THSD7B: variants seen among roughly 807,000 people sequenced by gnomAD.
THSD7B encodes the protein thrombospondin type 1 domain containing 7B.
In THSD7B, 138 loss-of-function variants were observed where a neutral mutation model predicts 213.6. The ratio of observed to expected loss-of-function variants is 0.65; its 90% CI spans 0.56 to 0.74. THSD7B has a LOEUF of 0.74. THSD7B is among the 30% of genes least tolerant of loss of function. THSD7B has a pLI of 0.00. For missense variants in THSD7B, 1,931 were observed against 1,991.5 expected, an observed-to-expected ratio of 0.97 and a Z score of 0.58; for synonymous variants, 742 against 687.0, an observed-to-expected ratio of 1.08 and a Z score of -1.25.
chr2:137,318,585 C>T (rs1684184575), intron 12 of THSD7B, among the ~76,000 whole-genome samples: 2 of 151,986 alleles, frequency 1.3e-5, no homozygotes, highest in African/African-American at 2.4e-5. Flanking sequence ...ACAAACTCGG[C>T]AACAATAATA....
chr2:137,029,742 A>G (rs1475531183), intron 2 of THSD7B, among the ~76,000 whole-genome samples: 4 of 152,120 alleles, frequency 2.6e-5, no homozygotes, highest in South Asian at 4.1e-4. Flanking sequence ...GTTAGGGTTC[A>G]TTGTTTATCT....
At chr2:137,066,458 T>C (rs904336848) in intron 3 of THSD7B, among the ~76,000 whole-genome samples, 2 of 152,100 alleles carry the variant, frequency 1.3e-5, no homozygotes, top group African/African-American at 4.8e-5. Flanking sequence ...CCTCCCAAAG[T>C]GCTGAGATTA....
rs143740787 is a variant in THSD7B at position 137,204,876 on chromosome 2, G to C, written c.1724-26168G>C. Among the ~76,000 whole-genome samples, 174 of 152,212 alleles carry C rather than the reference G, an allele frequency of 1.1e-3. 1 individual carries two copies. Among genetic ancestry groups the C allele is most frequent in the African/African-American group, 4.0e-3 (168 of 41,558 alleles). ...AAAGTCGCTGAAACACACTGGCACT[G>C]TTATAACTAAGTAATAGTTAACAAA... On this transcript the variant is annotated intron_variant, in intron 7 of 27. Coordinates refer to ENST00000409968, the MANE Select transcript of THSD7B (RefSeq NM_001316349.2).
At chr2:136,787,794 A>G (rs1681893684) in intron 1 of THSD7B, among the ~76,000 whole-genome samples, 1 of 151,510 alleles carries the variant, frequency 6.6e-6, no homozygotes, top group Admixed American at 6.6e-5. Flanking sequence ...AGATGATATC[A>G]TGAGTGATTT....
chr2:137,044,737 T>C (rs1018653230), intron 2 of THSD7B, among the ~76,000 whole-genome samples: 1 of 152,190 alleles, frequency 6.6e-6, no homozygotes, highest in African/African-American at 2.4e-5. Context: ...TACTCATCTT[T>C]CTTCTTGTGA....
At chr2:137,343,191 C>CT (rs1425292671) in intron 12 of THSD7B, among the ~76,000 whole-genome samples, 1 of 149,240 alleles carries the variant, frequency 6.7e-6, no homozygotes, top group African/African-American at 2.5e-5. Context: ...TTTTGATTGA[C>CT]TTTTTTGCAA....
At chr2:137,186,909 T>C (rs1482228978) in intron 7 of THSD7B, among the ~76,000 whole-genome samples, 3 of 152,150 alleles carry the variant, frequency 2.0e-5, no homozygotes, top group African/African-American at 7.2e-5. Flanking sequence ...GTTCTTTTTA[T>C]AGAGATCTTT....
chr2:137,041,649 A>G (rs909973179), intron 2 of THSD7B, among the ~76,000 whole-genome samples: 1 of 148,152 alleles, frequency 6.7e-6, no homozygotes. Context: ...TATAATATGT[A>G]TTTAATATAA....
chr2:136,991,789 C>T (rs1319570895), intron 2 of THSD7B, among the ~76,000 whole-genome samples: 4 of 152,186 alleles, frequency 2.6e-5, no homozygotes, highest in Non-Finnish European at 4.4e-5. Context: ...TTCTTTTCTT[C>T]AGATTCTCCT....
intron 12 of THSD7B, among the ~76,000 whole-genome samples, chr2:137,401,483 G>A (rs1686359568): frequency 1.3e-5 from 2 of 152,056 alleles, no homozygotes; most frequent in Non-Finnish European, 2.9e-5. Flanking sequence ...ACAAGGAAAT[G>A]TTTCATTTAA....
intron 12 of THSD7B, among the ~76,000 whole-genome samples, chr2:137,351,757 A>G (rs538020699): frequency 6.6e-6 from 1 of 151,998 alleles, no homozygotes; most frequent in South Asian, 2.1e-4. Context: ...TTGGAGATCA[A>G]TTTTGCCAAC....
intron 3 of THSD7B, among the ~76,000 whole-genome samples, chr2:137,080,549 A>G (rs183889235): frequency 1.1e-3 from 170 of 151,858 alleles, no homozygotes; most frequent in African/African-American, 3.1e-3. Context: ...TTGCATTTTT[A>G]TTTTAGAAGT....
At chr2:137,024,872 A>G (rs571440783) in intron 2 of THSD7B, among the ~76,000 whole-genome samples, 44 of 152,248 alleles carry the variant, frequency 2.9e-4, no homozygotes, top group African/African-American at 1.1e-3. Context: ...AAACCCTTTC[A>G]GCTTTAACTC....
chr2:137,538,327 A>G (rs1265247694), intron 15 of THSD7B, among the ~76,000 whole-genome samples: 1 of 151,608 alleles, frequency 6.6e-6, no homozygotes, highest in East Asian at 1.9e-4. Flanking sequence ...TGGGAGGGTA[A>G]CATTCAAATT....
intron 16 of THSD7B, among the ~76,000 whole-genome samples, chr2:137,564,288 C>T (rs544349656): frequency 6.6e-6 from 1 of 152,112 alleles, no homozygotes; most frequent in Non-Finnish European, 1.5e-5. Flanking sequence ...GTGAAACGTA[C>T]TTTATTCATT....
intron 1 of THSD7B, among the ~76,000 whole-genome samples, chr2:136,816,447 T>C (rs1159800392): frequency 6.6e-6 from 1 of 152,246 alleles, no homozygotes; most frequent in Non-Finnish European, 1.5e-5. Flanking sequence ...TTTTATATTT[T>C]TGAAAACTAT....
chr2:136,904,024 C>G (rs2105015398), intron 2 of THSD7B, among the ~76,000 whole-genome samples: 1 of 143,124 alleles, frequency 7.0e-6, no homozygotes, highest in East Asian at 2.0e-4. Context: ...AACCTTAAAG[C>G]CAATGACAAA....
At chr2:137,577,787 CACCTTGTAAAAGTATAATTCTAT>C (rs1433043869) in intron 17 of THSD7B, among the ~76,000 whole-genome samples, 3 of 152,112 alleles carry the variant, frequency 2.0e-5, no homozygotes, top group Admixed American at 6.6e-5. Flanking sequence ...CACTTTTCTA[CACCTTGTAAAAGTATAATTCTAT>C]ACCTTGTAAA....
intron 15 of THSD7B, among the ~76,000 whole-genome samples, chr2:137,497,829 C>T (rs1679606369): frequency 6.6e-6 from 1 of 152,122 alleles, no homozygotes; most frequent in South Asian, 2.1e-4. Flanking sequence ...TAAAGTCCCA[C>T]ATATGTAACT....
Sources: allele counts gnomAD v4.1 joint callset (sites outside exome capture counted in the v4.1 genomes callset), GRCh38; gene constraint gnomAD v4.1.1; transcripts MANE v1.5; gene names NCBI Gene and HGNC (gene_info 2026-07-23, HGNC 2026-07-21).